The following GAS7 variants were observed in gnomAD, a reference collection of about 807,000 sequenced individuals.
The protein encoded by GAS7 is growth arrest specific 7.
A neutral mutation model predicts 71.1 loss-of-function variants in GAS7; 28 were observed. The observed-to-expected ratio is 0.39, with a 90% CI of 0.29 to 0.54. The LOEUF is 0.54. Ranked by LOEUF, GAS7 falls within the 20% of genes least tolerant of loss-of-function variation. The pLI is 0.62. For synonymous variants in GAS7, 258 were observed against 245.8 expected, an observed-to-expected ratio of 1.05 and a Z score of -0.46; for missense variants, 436 against 627.8, an observed-to-expected ratio of 0.69 and a Z score of 3.27.
chr17:10,113,804 C>G (rs1470813781), intron 1 of GAS7, among the ~76,000 whole-genome samples: 1 of 152,222 alleles, frequency 6.6e-6, no homozygotes, highest in Non-Finnish European at 1.5e-5. Flanking sequence ...CAACTTTTCA[C>G]TCTACGTTTT....
chr17:10,049,746 G>A (rs544060219), intron 1 of GAS7, among the ~76,000 whole-genome samples: 11,387 of 148,440 alleles, frequency 0.077, 1,021 homozygotes, highest in African/African-American at 0.22. Context: ...TCAGCCTCCC[G>A]AGTAGCTGGG....
intron 1 of GAS7, among the ~76,000 whole-genome samples, chr17:10,126,195 C>G (rs1298840164): frequency 6.6e-6 from 1 of 152,196 alleles, no homozygotes; most frequent in Non-Finnish European, 1.5e-5. Flanking sequence ...GCTTCTCAGA[C>G]AGGAGAAAGT....
chr17:10,173,012 G>A (rs1018298258), intron 1 of GAS7, among the ~76,000 whole-genome samples: 1 of 152,232 alleles, frequency 6.6e-6, no homozygotes, highest in Non-Finnish European at 1.5e-5. Context: ...AAGCAATGAA[G>A]TACTGATACA....
chr17:10,106,274 G>A (rs2073755331), intron 1 of GAS7, among the ~76,000 whole-genome samples: 1 of 152,174 alleles, frequency 6.6e-6, no homozygotes, highest in Admixed American at 6.5e-5. Flanking sequence ...TTACCTTCCA[G>A]GTGTGGCTCG....
In GAS7 at chr17:9,915,074, G is replaced by A; in HGVS notation, c.*2154C>T. 4.3e-6 allele frequency: 1 copy of A among 231,464 alleles called. No homozygotes were observed. The highest frequency in any genetic ancestry group is 8.6e-6 in the Non-Finnish European group (1 of 116,928). The allele number at this position is 231,464 out of a possible 1,614,324, so 14.3% of individuals were successfully genotyped here. A position where few individuals can be genotyped will look rare whatever the true frequency, so the allele number is the denominator to read the frequency against. ...GAAGAAAGAAAGGAAGTACGTGAAGGGGGTAAAGAGAAGGAGGTGAGGGGA... is the reference window on the plus strand; with the variant it reads ...GAAGAAAGAAAGGAAGTACGTGAAGAGGGTAAAGAGAAGGAGGTGAGGGGA... On this transcript the variant is annotated 3_prime_UTR_variant, in exon 14 of 14. Coordinates refer to ENST00000432992, the MANE Select transcript of GAS7 (RefSeq NM_201433.2).
At chr17:10,088,423 C>T (rs899880959) in intron 1 of GAS7, among the ~76,000 whole-genome samples, 2 of 151,944 alleles carry the variant, frequency 1.3e-5, no homozygotes, top group Non-Finnish European at 1.5e-5. Flanking sequence ...CTCCAATACT[C>T]TGAGCCTCCA....
At chr17:10,153,844 A>G (rs2074185431) in intron 1 of GAS7, among the ~76,000 whole-genome samples, 1 of 152,090 alleles carries the variant, frequency 6.6e-6, no homozygotes, top group African/African-American at 2.4e-5. Context: ...AGATGGGAGG[A>G]TCACTTGAGG....
chr17:9,998,149 G>A (rs1412830977), intron 2 of GAS7, among the ~76,000 whole-genome samples: 1 of 152,210 alleles, frequency 6.6e-6, no homozygotes, highest in African/African-American at 2.4e-5. Context: ...CTGCCATCCT[G>A]AAGCTGCCTA....
At chr17:9,983,511 G>T (rs1357178340) in intron 2 of GAS7, among the ~76,000 whole-genome samples, 2 of 149,140 alleles carry the variant, frequency 1.3e-5, no homozygotes, top group African/African-American at 2.5e-5. Context: ...AATAGGCCGG[G>T]CGCGGTGGCT....
intron 1 of GAS7, among the ~76,000 whole-genome samples, chr17:10,118,597 T>A (rs1011527652): frequency 3.5e-5 from 5 of 144,044 alleles, no homozygotes; most frequent in Middle Eastern, 4.4e-3. Context: ...CCAGCTACCC[T>A]GGGGGCTGAG....
chr17:9,965,825 G>C (rs1395848437), intron 4 of GAS7, among the ~76,000 whole-genome samples: 2 of 152,026 alleles, frequency 1.3e-5, no homozygotes, highest in African/African-American at 4.8e-5. Context: ...ACCACCTCCT[G>C]TGCCCACCCA....
Position 9,999,790 on chromosome 17 carries a change from G to A in GAS7, c.305-17906C>T, listed in dbSNP as rs9902087. ...TGGGCAAAAAAAGCTATTCTCAAAC[G>A]TCAAAAATGGCATTCAGGATAGAGA... On this transcript the variant is annotated intron_variant, in intron 2 of 13. Transcript: ENST00000432992. Among the ~76,000 whole-genome samples the A allele has an allele frequency of 6.8e-3, 1,035 of 152,202 alleles. 6 individuals are homozygous for A. The highest frequency in any genetic ancestry group is 0.024 in the African/African-American group (1,001 of 41,506).
At chr17:10,191,874 CAAAAAAA>C (rs11303007) in intron 1 of GAS7, among the ~76,000 whole-genome samples, 2 of 110,404 alleles carry the variant, frequency 1.8e-5, no homozygotes, top group South Asian at 3.3e-4. Flanking sequence ...GACTCCATCT[CAAAAAAA>C]AAAAAAAAAA....
At chr17:10,108,784 A>C (rs2073783314) in intron 1 of GAS7, among the ~76,000 whole-genome samples, 1 of 152,232 alleles carries the variant, frequency 6.6e-6, no homozygotes, top group Admixed American at 6.5e-5. Context: ...ATCCATACGT[A>C]GAGGAATAAA....
chr17:9,927,572 T>C lies in GAS7; in HGVS notation c.886-803A>G, dbSNP rs917386837. Among the ~76,000 whole-genome samples the C allele has an allele frequency of 1.4e-4, 21 of 152,126 alleles. 1 individual carries two copies. Among genetic ancestry groups the C allele is most frequent in the Non-Finnish European group, 2.5e-4 (17 of 68,030 alleles). The stretch of plus-strand genomic sequence containing the variant: ...CCCACAGCTTCTTGCACGGCTTTGT[T>C]CTTATGTCTCTCTCCCTTATTTTCC... On this transcript the variant is annotated intron_variant, in intron 9 of 13. Coordinates refer to ENST00000432992, the MANE Select transcript of GAS7 (RefSeq NM_201433.2).
chr17:9,932,475 G>A (rs1418165045), intron 9 of GAS7, among the ~76,000 whole-genome samples: 1 of 152,228 alleles, frequency 6.6e-6, no homozygotes, highest in African/African-American at 2.4e-5. Flanking sequence ...TTACAGGCGT[G>A]AGCCACCACG....
At chr17:9,952,314 G>A (rs1209591638) in intron 5 of GAS7, among the ~76,000 whole-genome samples, 2 of 152,192 alleles carry the variant, frequency 1.3e-5, no homozygotes, top group Non-Finnish European at 2.9e-5. Flanking sequence ...CACAATGGAA[G>A]ACACACAGAT....
chr17:10,005,361 C>T (rs897379677), intron 2 of GAS7, among the ~76,000 whole-genome samples: 2 of 149,394 alleles, frequency 1.3e-5, no homozygotes, highest in Non-Finnish European at 3.0e-5. Context: ...ATATATATAT[C>T]TTCCTGACTT....
chr17:10,110,542 G>A (rs942602627), intron 1 of GAS7, among the ~76,000 whole-genome samples: 4 of 152,046 alleles, frequency 2.6e-5, no homozygotes, highest in African/African-American at 9.7e-5. Context: ...CTTGGCTCAC[G>A]GCAACCTCCG....
Sources: allele counts gnomAD v4.1 joint callset (sites outside exome capture counted in the v4.1 genomes callset), GRCh38; gene constraint gnomAD v4.1.1; transcripts MANE v1.5; gene names NCBI Gene and HGNC (gene_info 2026-07-23, HGNC 2026-07-21).